Variants in AGPAT4 observed in about 807,000 individuals in gnomAD.
AGPAT4 encodes the protein 1-acyl-sn-glycerol-3-phosphate acyltransferase delta.
A neutral mutation model predicts 48.0 loss-of-function variants in AGPAT4; 15 were observed. The observed-to-expected ratio is 0.31, with a 90% CI of 0.21 to 0.48. The LOEUF is 0.48. Ranked by LOEUF, AGPAT4 falls within the 20% of genes least tolerant of loss-of-function variation. AGPAT4 has a pLI of 0.99. For synonymous variants in AGPAT4, 178 were observed against 198.7 expected (o/e 0.90, Z 0.88); for missense variants, 314 against 482.5 (o/e 0.65, Z 3.27).
rs535058367 is a variant in AGPAT4, at chr6:161,143,323, C to T, written c.843+3201G>A. On this transcript the variant is annotated intron_variant, in intron 7 of 8. Transcript: ENST00000320285. The surrounding 1 kb of genome is among the most constrained non-coding windows in gnomAD (Gnocchi z 4.7). ...CCCCTGGCCTCAAGTGATCCTCCAG[C>T]CTCAGCCTCCCAAAGTGCTTACTCC... is the stretch of plus-strand genomic sequence containing the variant. Among the ~76,000 whole-genome samples, 23 of 152,338 alleles carry T rather than the reference C, an allele frequency of 1.5e-4. No homozygotes were observed. In the South Asian group the frequency reaches 2.9e-3, roughly 19 times the overall value.
At chr6:161,211,666 T>C (rs1049852859) in intron 2 of AGPAT4, among the ~76,000 whole-genome samples, 1 of 152,212 alleles carries the variant, frequency 6.6e-6, no homozygotes, top group African/African-American at 2.4e-5. Flanking sequence ...GTCATATTAT[T>C]ATTAAGTTTG....
Position 161,147,696 on chromosome 6 carries a change from C to T in AGPAT4, c.768-1097G>A, listed in dbSNP as rs1779472775. ...TTCTGTTCCTACGCACACTGCACTT[C>T]TCTGGATCCTCTACTTCTTTGCTGT... On this transcript the variant is annotated intron_variant, in intron 6 of 8. Transcript: ENST00000320285. The surrounding 1 kb of genome is among the most constrained non-coding windows in gnomAD (Gnocchi z 4.8). Among the ~76,000 whole-genome samples, 1 of 152,218 alleles carries T rather than the reference C, an allele frequency of 6.6e-6. No individual in the cohort carries two copies. Among genetic ancestry groups the T allele is most frequent in the Non-Finnish European group, 1.5e-5 (1 of 68,036 alleles).
chr6:161,207,504 T>C (rs1056970392), intron 2 of AGPAT4, among the ~76,000 whole-genome samples: 14 of 152,224 alleles, frequency 9.2e-5, no homozygotes, highest in African/African-American at 3.4e-4. Flanking sequence ...AAGGAATTTA[T>C]GCTTTCAAAA....
At position 161,130,620 on chromosome 6, in the gene AGPAT4, TC is replaced by T. The variant is rs1778869420; in HGVS notation, c.*5919del. On this transcript the variant is annotated 3_prime_UTR_variant, in exon 9 of 9. Transcript: ENST00000320285. ...TGTTCCACCCTTGCCCATGGTTAGATCTCTTTCCTTGATAGAACAAGCAAAA... is the reference window on the plus strand; with the variant it reads ...TGTTCCACCCTTGCCCATGGTTAGATTCTTTCCTTGATAGAACAAGCAAAA... 3.8e-6 allele frequency: 1 copy of T among 261,922 alleles called. No homozygotes were observed. The highest frequency in any genetic ancestry group is 2.2e-5 in the African/African-American group (1 of 45,662). The allele number at this position is 261,922 out of a possible 1,614,324, so 16.2% of individuals were successfully genotyped here.
At position 161,146,536 on chromosome 6, in the gene AGPAT4, G is replaced by A. The variant is rs1313905863; in HGVS notation, c.831C>T (p.Leu277=). The change falls in exon 7 of 9, where the codon CTC becomes CTT. Residue 277 remains leucine, a synonymous_variant. Coordinates refer to ENST00000320285, the MANE Select transcript of AGPAT4 (RefSeq NM_020133.3). This position sits in a 1 kb window ranked among gnomAD's most constrained non-coding sequence, Gnocchi z 7.1. ...CCAGTGCACTGACCTTCTCCTGGTA[G>A]AGCTTGTGCAGCCAGGCCGAGCACT... ...DDECSAWLHK[L]YQEKDAFQEE... is the part of the protein sequence containing the mutation. 5.6e-6 allele frequency: 9 copies of A among 1,614,002 alleles called. No homozygotes were observed. The highest frequency in any genetic ancestry group is 7.6e-6 in the Non-Finnish European group (9 of 1,180,030).
chr6:161,182,516 G>T (rs976740062), intron 2 of AGPAT4, among the ~76,000 whole-genome samples: 1 of 146,512 alleles, frequency 6.8e-6, no homozygotes, highest in Non-Finnish European at 1.5e-5. Flanking sequence ...CCCCAGCCCT[G>T]CAACCCAGCC....
At position 161,245,127 on chromosome 6, in the gene AGPAT4, T is replaced by C. The variant is rs1782613372; in HGVS notation, c.-89-12825A>G. ...TCCTTGGGAATCGAGAAATTGCGACTCTATTCATGGTGGAATAAATAAATG... is the reference window on the plus strand; with the variant it reads ...TCCTTGGGAATCGAGAAATTGCGACCCTATTCATGGTGGAATAAATAAATG... On this transcript the variant is annotated intron_variant, in intron 1 of 8. Transcript: ENST00000320285. The surrounding 1 kb of genome is among the most constrained non-coding windows in gnomAD (Gnocchi z 5.2). Among the ~76,000 whole-genome samples, 4 of 152,234 alleles carry C rather than the reference T, an allele frequency of 2.6e-5. No individual in the cohort carries two copies. The South Asian group carries it at 8.3e-4, about 32-fold the overall frequency.
rs914945484 is a variant in AGPAT4, at chr6:161,206,759, A to G, written c.178+25277T>C. 2.0e-5 allele frequency among the ~76,000 whole-genome samples: 3 copies of G among 152,250 alleles called. No homozygotes were observed. Among genetic ancestry groups the G allele is most frequent in the African/African-American group, 7.2e-5 (3 of 41,466 alleles). Reference sequence around the variant, plus strand: ...TAAGAAGAATTTTTAAATGGCCATCATAAAACTCTTTCAATAAGCAATTAT... The same window carrying G: ...TAAGAAGAATTTTTAAATGGCCATCGTAAAACTCTTTCAATAAGCAATTAT... On this transcript the variant is annotated intron_variant, in intron 2 of 8. Transcript: ENST00000320285. The surrounding 1 kb of genome is among the most constrained non-coding windows in gnomAD (Gnocchi z 4.8).
chr6:161,264,848 C>T lies in AGPAT4; in HGVS notation c.-90+9090G>A, dbSNP rs901819717. ...GGGAGGGACACAGCAGTTATGGAAC[C>T]CCTAGGGTCACCCAGGACTAGTTAT... On this transcript the variant is annotated intron_variant, in intron 1 of 8. Transcript: ENST00000320285. The surrounding 1 kb of genome is among the most constrained non-coding windows in gnomAD (Gnocchi z 6.8). 5.9e-5 allele frequency among the ~76,000 whole-genome samples: 9 copies of T among 152,024 alleles called. No homozygotes were observed. Among genetic ancestry groups the T allele is most frequent in the African/African-American group, 2.2e-4 (9 of 41,396 alleles).
At chr6:161,162,551 C>G (rs951705346) in intron 3 of AGPAT4, among the ~76,000 whole-genome samples, 2 of 152,198 alleles carry the variant, frequency 1.3e-5, no homozygotes, top group African/African-American at 4.8e-5. Context: ...AAGCCCCTCC[C>G]GAGAGACCCT....
chr6:161,136,354 A>T lies in AGPAT4; in HGVS notation c.*186T>A. On this transcript the variant is annotated 3_prime_UTR_variant, in exon 9 of 9. Transcript: ENST00000320285. ...AAAGCCCACTAAAGCACATGGGGAA[A>T]AAAAGATTACAAAACATCTTCCTCC... 1.7e-6 allele frequency: 1 copy of T among 599,388 alleles called. No homozygotes were observed. The highest frequency in any genetic ancestry group is 3.0e-6 in the Non-Finnish European group (1 of 337,222). 37.1% of individuals were successfully genotyped at this position (599,388 alleles called of 1,614,324 possible).
rs1782224086 is a variant in AGPAT4, at chr6:161,234,738, T to C, written c.-89-2436A>G. On this transcript the variant is annotated intron_variant, in intron 1 of 8. Coordinates refer to ENST00000320285, the MANE Select transcript of AGPAT4 (RefSeq NM_020133.3). The surrounding 1 kb of genome is among the most constrained non-coding windows in gnomAD (Gnocchi z 4.4). Reference sequence around the variant, plus strand: ...GTTTCTGGGGTCTAGAGTTTGTAAATTACTTGACAAATCCTTTGCTTTGCC... The same window carrying C: ...GTTTCTGGGGTCTAGAGTTTGTAAACTACTTGACAAATCCTTTGCTTTGCC... 6.6e-6 allele frequency among the ~76,000 whole-genome samples: 1 copy of C among 152,048 alleles called. No individual in the cohort carries two copies. The highest frequency in any genetic ancestry group is 6.6e-5 in the Admixed American group (1 of 15,256).
rs760943498 is a variant in AGPAT4 at position 161,229,614 on chromosome 6, G to A, written c.178+2422C>T. On this transcript the variant is annotated intron_variant, in intron 2 of 8. Coordinates refer to ENST00000320285, the MANE Select transcript of AGPAT4 (RefSeq NM_020133.3). The surrounding 1 kb of genome is among the most constrained non-coding windows in gnomAD (Gnocchi z 6.0). ...GATACCAGAAACGGAGAATCCTGGC[G>A]AGGATTCTCTCAAACCTGGGGATAG... is the stretch of plus-strand genomic sequence containing the variant. 6.6e-6 allele frequency among the ~76,000 whole-genome samples: 1 copy of A among 152,108 alleles called. No individual in the cohort carries two copies. The highest frequency in any genetic ancestry group is 1.5e-5 in the Non-Finnish European group (1 of 68,024).
rs1442765256 is a variant in AGPAT4 at position 161,158,250 on chromosome 6, G to A, written c.349-3940C>T. ...ATACTGACAGTTCCCCCGGCAAAAG[G>A]TTCAATAGGCTATAACTATCATGGC... is the stretch of plus-strand genomic sequence containing the variant. On this transcript the variant is annotated intron_variant, in intron 3 of 8. Transcript: ENST00000320285. This position sits in a 1 kb window ranked among gnomAD's most constrained non-coding sequence, Gnocchi z 5.3. Among the ~76,000 whole-genome samples the A allele has an allele frequency of 2.6e-5, 4 of 152,188 alleles. No individual in the cohort carries two copies. Among genetic ancestry groups the A allele is most frequent in the African/African-American group, 9.6e-5 (4 of 41,458 alleles).
chr6:161,236,854 A>T lies in AGPAT4; in HGVS notation c.-89-4552T>A, dbSNP rs2115040094. On this transcript the variant is annotated intron_variant, in intron 1 of 8. Coordinates refer to ENST00000320285, the MANE Select transcript of AGPAT4 (RefSeq NM_020133.3). The surrounding 1 kb of genome is among the most constrained non-coding windows in gnomAD (Gnocchi z 5.0). ...GAGGCAGAGGTTGCAGTGAGCCGAG[A>T]TTGTGCCACTGCACTCCAGCCTGGG... Among the ~76,000 whole-genome samples, 1 of 152,246 alleles carries T rather than the reference A, an allele frequency of 6.6e-6. No individual in the cohort carries two copies. The highest frequency in any genetic ancestry group is 2.1e-4 in the South Asian group (1 of 4,808).
Position 161,155,702 on chromosome 6 carries a change from C to T in AGPAT4, c.349-1392G>A, listed in dbSNP as rs1051571752. 3.3e-5 allele frequency among the ~76,000 whole-genome samples: 5 copies of T among 152,234 alleles called. No homozygotes were observed. Among genetic ancestry groups the T allele is most frequent in the Non-Finnish European group, 5.9e-5 (4 of 68,038 alleles). On this transcript the variant is annotated intron_variant, in intron 3 of 8. Transcript: ENST00000320285. This position sits in a 1 kb window ranked among gnomAD's most constrained non-coding sequence, Gnocchi z 5.8. The stretch of plus-strand genomic sequence containing the variant: ...CTCCAAGAAAACTTAGCCATGAAAT[C>T]GGAGGCCCTATCTCCAGGGGACTCC...
chr6:161,260,569 T>A (rs1281591494), intron 1 of AGPAT4, among the ~76,000 whole-genome samples: 2 of 140,366 alleles, frequency 1.4e-5, no homozygotes, highest in East Asian at 4.2e-4. Context: ...GGCAGGAGAA[T>A]CACTTGAACC....
At chr6:161,273,512 G>A (rs916429877) in intron 1 of AGPAT4, among the ~76,000 whole-genome samples, 3 of 152,154 alleles carry the variant, frequency 2.0e-5, no homozygotes, top group Admixed American at 1.3e-4. Flanking sequence ...CGTCAGCGAC[G>A]GAAGAACATG....
chr6:161,179,617 T>C (rs1447073469), intron 2 of AGPAT4, among the ~76,000 whole-genome samples: 1 of 152,186 alleles, frequency 6.6e-6, no homozygotes, highest in African/African-American at 2.4e-5. Flanking sequence ...TCCACTTATA[T>C]ACAGATTTTC....
Sources: gnomAD v4.1 joint callset for allele counts (sites outside exome capture counted in the v4.1 genomes callset) on GRCh38, gnomAD v4.1.1 for gene constraint, Gnocchi (gnomAD v3.1) non-coding constraint, MANE v1.5 for transcripts, NCBI Gene and HGNC (gene_info 2026-07-23, HGNC 2026-07-21) for gene names.